The following STPG2 variants were observed in gnomAD, a reference collection of about 807,000 sequenced individuals.
STPG2 encodes sperm tail PG-rich repeat containing 2, also known as sperm-tail PG-rich repeat-containing protein 2.
In STPG2, 56 loss-of-function variants were observed where a neutral mutation model predicts 54.2. The observed-to-expected ratio is 1.03, with a 90% CI of 0.83 to 1.29. The LOEUF (loss-of-function observed/expected upper bound fraction) is 1.29, where lower values mean the gene tolerates loss of function less well. Ranked by LOEUF, STPG2 falls within the 50% of genes most tolerant of loss-of-function variation. STPG2 has a pLI of 0.00. For synonymous variants in STPG2, 200 were observed against 181.8 expected (o/e 1.10, Z -0.81); for missense variants, 596 against 544.9 (o/e 1.09, Z -0.93).
chr4:97,759,316 A>G (rs892180941), intron 9 of STPG2, among the ~76,000 whole-genome samples: 1 of 152,142 alleles, frequency 6.6e-6, no homozygotes, highest in Non-Finnish European at 1.5e-5. Context: ...AGAAAAAAAA[A>G]TAACATTGTC....
At chr4:97,475,071 G>T (rs1730037394) in intron 4 of STPG2, among the ~76,000 whole-genome samples, 1 of 151,818 alleles carries the variant, frequency 6.6e-6, no homozygotes, top group African/African-American at 2.4e-5. Context: ...CTTGCCTATG[G>T]ATAAGAGGGT....
chr4:97,710,263 T>C (rs1724071698), intron 10 of STPG2, among the ~76,000 whole-genome samples: 1 of 151,876 alleles, frequency 6.6e-6, no homozygotes, highest in Non-Finnish European at 1.5e-5. Context: ...ATGGGCAAAG[T>C]AAGATATATT....
intron 8 of STPG2, among the ~76,000 whole-genome samples, chr4:97,895,791 C>T (rs2149179653): frequency 6.6e-6 from 1 of 151,830 alleles, no homozygotes; most frequent in East Asian, 1.9e-4. Context: ...AAACCTAGAG[C>T]AATGGCTCTC....
At chr4:97,626,865 G>A (rs1468235664) in intron 10 of STPG2, among the ~76,000 whole-genome samples, 1 of 152,100 alleles carries the variant, frequency 6.6e-6, no homozygotes. Context: ...ATATAGAAAT[G>A]CAATTGCTTT....
intron 9 of STPG2, among the ~76,000 whole-genome samples, chr4:97,831,294 G>A (rs968728367): frequency 6.6e-6 from 1 of 152,014 alleles, no homozygotes; most frequent in African/African-American, 2.4e-5. Flanking sequence ...ACGAAATGAA[G>A]GCAGAAATAA....
chr4:97,864,046 G>A (rs907176888), intron 8 of STPG2, among the ~76,000 whole-genome samples: 64 of 152,240 alleles, frequency 4.2e-4, no homozygotes, highest in South Asian at 2.1e-3. Context: ...ACAAGACAGG[G>A]ATGCCCTCTC....
Position 97,972,332 on chromosome 4 carries a change from A to G in STPG2, c.881T>C (p.Phe294Ser). 6.2e-7 allele frequency: 1 copy of G among 1,609,906 alleles called. No individual in the cohort carries two copies. The highest frequency in any genetic ancestry group is 8.5e-7 in the Non-Finnish European group (1 of 1,177,942). The part of the protein sequence containing the change: ...SAFGSSVPRT[F>S]FSVQKEACAT... ...ACAAGCTTCTTTCTGAACCGAGAAG[A>G]AAGTCCGAGGAACAGAAGAACCAAA... is the stretch of plus-strand genomic sequence containing the variant. The change falls in exon 7 of 11, where the codon TTC (phenylalanine) becomes TCC (serine). Residue 294 changes from phenylalanine to serine, a missense_variant. By Grantham distance (155) the Phe-to-Ser change is radical. Coordinates refer to ENST00000295268, the MANE Select transcript of STPG2 (RefSeq NM_174952.3).
intron 9 of STPG2, among the ~76,000 whole-genome samples, chr4:97,813,677 TAA>T (rs869298230): frequency 0.012 from 561 of 45,746 alleles, 7 homozygotes; most frequent in African/African-American, 0.036. Flanking sequence ...CCCTGTCTCT[TAA>T]AAAAAAAAAA....
Position 97,646,995 on chromosome 4 carries a change from G to A in STPG2, c.1320+65704C>T, listed in dbSNP as rs1008822626. ...GATCAATAACATTGTTCATAGTGCT[G>A]ACTCTTCTTTCAGCTTCAACTAAAT... On this transcript the variant is annotated intron_variant, in intron 10 of 10. Transcript: ENST00000295268. Among the ~76,000 whole-genome samples the A allele has an allele frequency of 3.3e-5, 5 of 152,040 alleles. No individual in the cohort carries two copies. In the South Asian group the frequency reaches 1.0e-3, roughly 31 times the overall value.
intron 5 of STPG2, among the ~76,000 whole-genome samples, chr4:98,086,537 A>C (rs1447634871): frequency 6.6e-6 from 1 of 152,058 alleles, no homozygotes; most frequent in Non-Finnish European, 1.5e-5. Context: ...AAAATCATTA[A>C]ATATAGGTCT....
chr4:97,927,528 A>G (rs1339649334), intron 8 of STPG2, among the ~76,000 whole-genome samples: 1 of 152,168 alleles, frequency 6.6e-6, no homozygotes, highest in East Asian at 1.9e-4. Flanking sequence ...TATGCTAAAC[A>G]ATAGTGATTA....
chr4:97,626,065 G>A (rs1459227268), intron 10 of STPG2, among the ~76,000 whole-genome samples: 1 of 152,140 alleles, frequency 6.6e-6, no homozygotes, highest in Non-Finnish European at 1.5e-5. Context: ...TATGGGCAAA[G>A]TAGTCATCTT....
chr4:97,750,976 T>C (rs186296220), intron 9 of STPG2, among the ~76,000 whole-genome samples: 35 of 151,940 alleles, frequency 2.3e-4, no homozygotes, highest in Admixed American at 2.3e-3. Context: ...GTGAGAACTT[T>C]AGAAAACTGA....
At chr4:97,798,215 C>G (rs975526992) in intron 9 of STPG2, among the ~76,000 whole-genome samples, 1 of 151,938 alleles carries the variant, frequency 6.6e-6, no homozygotes, top group African/African-American at 2.4e-5. Context: ...TATTTCTTGC[C>G]TTCTGCTAGC....
intron 8 of STPG2, among the ~76,000 whole-genome samples, chr4:97,848,478 T>C (rs1429426937): frequency 1.3e-5 from 2 of 152,148 alleles, no homozygotes; most frequent in Non-Finnish European, 2.9e-5. Context: ...AGTAGGAATC[T>C]AGGGGTATAC....
intron 10 of STPG2, among the ~76,000 whole-genome samples, chr4:97,569,874 C>A (rs1439812929): frequency 6.6e-6 from 1 of 151,762 alleles, no homozygotes; most frequent in Non-Finnish European, 1.5e-5. Flanking sequence ...AGAAAATGAG[C>A]AAAATTTTAA....
chr4:97,965,452 T>G (rs1270230291), intron 7 of STPG2, among the ~76,000 whole-genome samples: 1 of 152,224 alleles, frequency 6.6e-6, no homozygotes, highest in Non-Finnish European at 1.5e-5. Context: ...TTCTGCAGAC[T>G]TAAATGTCCC....
At chr4:97,495,144 G>T (rs1398610117) in intron 4 of STPG2, among the ~76,000 whole-genome samples, 3 of 151,364 alleles carry the variant, frequency 2.0e-5, no homozygotes, top group Admixed American at 6.6e-5. Context: ...CAAATGAATT[G>T]TGACAGAACA....
At chr4:97,946,713 C>G (rs1174596725) in intron 7 of STPG2, among the ~76,000 whole-genome samples, 1 of 152,038 alleles carries the variant, frequency 6.6e-6, no homozygotes, top group Non-Finnish European at 1.5e-5. Flanking sequence ...AAATATTTGG[C>G]TTTATTTCTG....
Sources: gnomAD v4.1 joint callset for allele counts (sites outside exome capture counted in the v4.1 genomes callset) on GRCh38, gnomAD v4.1.1 for gene constraint, MANE v1.5 for transcripts, NCBI Gene and HGNC (gene_info 2026-07-23, HGNC 2026-07-21) for gene names.